The following FANCA variants were observed in gnomAD, a reference collection of about 807,000 sequenced individuals.
FANCA encodes Fanconi anemia group A protein.
Under a neutral mutation model 194.3 loss-of-function variants are expected in FANCA, and 236 were observed. That is an observed-to-expected ratio of 1.21 (90% CI 1.09 to 1.35). The LOEUF (loss-of-function observed/expected upper bound fraction) is 1.35. FANCA is among the 40% of genes most tolerant of loss of function. The pLI, the probability that FANCA is intolerant of heterozygous loss-of-function variation, is 0.00. For synonymous variants in FANCA, 1,014 were observed against 715.8 expected (o/e 1.42, Z -6.65); for missense variants, 2,628 against 1,813.9 (o/e 1.45, Z -8.15).
intron 5 of FANCA, among the ~76,000 whole-genome samples, chr16:89,808,743 A>C (rs1314682498): frequency 6.6e-6 from 1 of 152,148 alleles, no homozygotes; most frequent in African/African-American, 2.4e-5. Context: ...GCCAGGACAA[A>C]GGTCAGGCTT....
chr16:89,746,886 T>A lies in FANCA; in HGVS notation c.3353A>T (p.Asn1118Ile). 1 of 1,555,842 alleles carries A rather than the reference T, an allele frequency of 6.4e-7. No homozygotes were observed. Among genetic ancestry groups the A allele is most frequent in the Non-Finnish European group, 8.7e-7 (1 of 1,149,042 alleles). Residue 1118 changes from asparagine to isoleucine, a missense_variant, in exon 34 of 43, where the codon AAC (asparagine) becomes ATC (isoleucine). Physicochemically the swap from Asn to Ile is moderately radical, Grantham distance 149. Coordinates refer to ENST00000389301, the MANE Select transcript of FANCA (RefSeq NM_000135.4). ...CAGGGCACCTCCGTGGGAGCAGAAG[T>A]TTCTCTGCAAAAGAGTTCAAGGCAG... is the stretch of plus-strand genomic sequence containing the variant. ...FFHLVNSEMR[N>I]FCSHGGALTQ... is the part of the protein sequence containing the mutation.
intron 26 of FANCA, among the ~76,000 whole-genome samples, chr16:89,767,917 C>A (rs113763435): frequency 6.6e-6 from 1 of 152,102 alleles, no homozygotes; most frequent in African/African-American, 2.4e-5. Flanking sequence ...AACTGCTGAC[C>A]TCAAGTGATC....
At chr16:89,783,722 C>CAT (rs2039802043) in intron 15 of FANCA, among the ~76,000 whole-genome samples, 1 of 152,120 alleles carries the variant, frequency 6.6e-6, no homozygotes, top group African/African-American at 2.4e-5. Context: ...CCTGCAGCTC[C>CAT]ATGCCTTTGA....
At chr16:89,764,058 A>G (rs2039043366) in intron 28 of FANCA, among the ~76,000 whole-genome samples, 1 of 151,858 alleles carries the variant, frequency 6.6e-6, no homozygotes, top group Non-Finnish European at 1.5e-5. Flanking sequence ...CCTGGACAAC[A>G]TGGTGAAACC....
intron 8 of FANCA, among the ~76,000 whole-genome samples, chr16:89,802,150 G>C (rs17232372): frequency 0.05 from 7,562 of 152,184 alleles, 661 homozygotes; most frequent in African/African-American, 0.17. Flanking sequence ...TGTCACCCAG[G>C]CTAGAGTGCA....
intron 7 of FANCA, among the ~76,000 whole-genome samples, chr16:89,803,624 CTTTTT>C (rs34752953): frequency 1.4e-5 from 2 of 139,126 alleles, no homozygotes; most frequent in Non-Finnish European, 3.1e-5. Context: ...AGATTTTTTT[CTTTTT>C]TTTTTTTTTT....
chr16:89,798,265 C>T (rs1408771942), intron 10 of FANCA: 2 of 888,666 alleles, frequency 2.3e-6, no homozygotes. Context: ...CTTCCAGCCT[C>T]CACTGCTGTG....
chr16:89,755,363 G>A (rs2038733842), intron 30 of FANCA, among the ~76,000 whole-genome samples: 2 of 152,100 alleles, frequency 1.3e-5, no homozygotes, highest in South Asian at 4.1e-4. Flanking sequence ...ACAGGCGCCT[G>A]CCACCATGCC....
chr16:89,793,159 G>A (rs571827320), intron 11 of FANCA, among the ~76,000 whole-genome samples: 13 of 152,118 alleles, frequency 8.5e-5, no homozygotes, highest in South Asian at 4.2e-4. Flanking sequence ...CTAAACTCCC[G>A]GGGGGAAAGG....
Position 89,773,976 on chromosome 16 carries a change from G to A in FANCA, c.1901-592C>T, listed in dbSNP as rs541010078. 5.9e-4 allele frequency among the ~76,000 whole-genome samples: 89 copies of A among 152,058 alleles called. 3 individuals are homozygous for A. In the South Asian group the frequency reaches 0.017, roughly 30 times the overall value. ...AGTAGAGACGGGATTTCACCACGTT[G>A]GCCAAGATGGTCTCGATCTCCTGAC... On this transcript the variant is annotated intron_variant, in intron 21 of 42. Coordinates refer to ENST00000389301, the MANE Select transcript of FANCA (RefSeq NM_000135.4).
At chr16:89,751,836 T>G (rs2038603812) in intron 31 of FANCA, among the ~76,000 whole-genome samples, 1 of 151,274 alleles carries the variant, frequency 6.6e-6, no homozygotes, top group Non-Finnish European at 1.5e-5. Context: ...AGTGGCACAA[T>G]CTCGGCTCAC....
chr16:89,798,977 G>C (rs2040344997), intron 10 of FANCA, 189 bp downstream of exon 10: 1 of 1,613,470 alleles, frequency 6.2e-7, no homozygotes, highest in Non-Finnish European at 8.5e-7. Context: ...CACAGGAAAA[G>C]GCTGACCAGA....
intron 10 of FANCA, among the ~76,000 whole-genome samples, chr16:89,797,571 G>A (rs1307269152): frequency 6.6e-6 from 1 of 152,084 alleles, no homozygotes; most frequent in Admixed American, 6.6e-5. Context: ...ACTGTTGGAG[G>A]ATGTCTGATT....
intron 6 of FANCA, among the ~76,000 whole-genome samples, chr16:89,806,076 C>T (rs2040630130): frequency 6.6e-6 from 1 of 152,164 alleles, no homozygotes; most frequent in Admixed American, 6.6e-5. Context: ...CCTTGCCCAG[C>T]TAATTTTTGT....
intron 14 of FANCA, among the ~76,000 whole-genome samples, chr16:89,785,854 T>A (rs1279730445): frequency 1.9e-5 from 1 of 51,334 alleles, no homozygotes; most frequent in East Asian, 2.2e-3. Context: ...CAAAATTGTG[T>A]TTTGTTTTTT....
rs2143530797 is a variant in FANCA at position 89,792,063 on chromosome 16, A to G, written c.1089T>C (p.Phe363=). 6.2e-7 allele frequency: 1 copy of G among 1,614,208 alleles called. No homozygotes were observed. The highest frequency in any genetic ancestry group is 8.5e-7 in the Non-Finnish European group (1 of 1,180,032). Reference sequence around the variant, plus strand: ...CCAACTCCTCTGCACTCAGCATCACAAAGAGCTGAAATAAAAGCATCCGCT... The same window carrying G: ...CCAACTCCTCTGCACTCAGCATCACGAAGAGCTGAAATAAAAGCATCCGCT... The part of the protein sequence containing the change: ...PLLTSLYRRL[F]VMLSAEELVG... The change falls in exon 13 of 43, where the codon TTT becomes TTC. Residue 363 remains phenylalanine (F), a synonymous_variant. Coordinates refer to ENST00000389301, the MANE Select transcript of FANCA (RefSeq NM_000135.4).
At chr16:89,739,400 C>G (rs762625682) in intron 40 of FANCA, 78 bp downstream of exon 40, 5 of 1,568,312 alleles carry the variant, frequency 3.2e-6, no homozygotes, top group Admixed American at 1.9e-5. Context: ...CCCTTCCCAT[C>G]TGGCGGGACC....
chr16:89,740,203 T>C lies in FANCA; in HGVS notation c.3829-104A>G, dbSNP rs551817911. 9.5e-5 allele frequency: 90 copies of C among 943,032 alleles called. 1 individual carries two copies. Among genetic ancestry groups the C allele is most frequent in the South Asian group, 7.9e-4 (61 of 77,054 alleles). The allele number at this position is 943,032 out of a possible 1,614,324, so 58.4% of individuals were successfully genotyped here. On this transcript the variant is annotated intron_variant, in intron 38 of 42. Coordinates refer to ENST00000389301, the MANE Select transcript of FANCA (RefSeq NM_000135.4). The stretch of plus-strand genomic sequence containing the variant: ...GAAGAGGGCATTTCCTCTTTGCTTA[T>C]TGTAAGTCTTAAAACTGGTGACAGT...
At chr16:89,807,397 C>G (rs2040697182) in intron 6 of FANCA, among the ~76,000 whole-genome samples, 2 of 151,442 alleles carry the variant, frequency 1.3e-5, no homozygotes, top group African/African-American at 2.4e-5. Context: ...GAGGTTGCAG[C>G]GAGCCCAGAT....
Sources: allele counts gnomAD v4.1 joint callset (sites outside exome capture counted in the v4.1 genomes callset), GRCh38; gene constraint gnomAD v4.1.1; transcripts MANE v1.5; gene names NCBI Gene and HGNC (gene_info 2026-07-23, HGNC 2026-07-21).